Variants in ADGRB1 observed in about 807,000 individuals in gnomAD.
The protein encoded by ADGRB1 is adhesion G protein-coupled receptor B1, also known as brain-specific angiogenesis inhibitor 1.
A neutral mutation model predicts 175.7 loss-of-function variants in ADGRB1; 36 were observed. The observed-to-expected ratio is 0.20, with a 90% CI of 0.16 to 0.27. The LOEUF (loss-of-function observed/expected upper bound fraction) is 0.27. Among genes scored for constraint, ADGRB1 ranks in the 10% least tolerant of loss-of-function variants. The probability of loss-of-function intolerance (pLI) is 1.00; values close to 1 mark genes in which losing one functional copy is unlikely to be tolerated. For missense variants in ADGRB1, 1,731 were observed against 2,255.3 expected (o/e 0.77, Z 4.71); for synonymous variants, 1,054 against 979.4 (o/e 1.08, Z -1.42).
At chr8:142,505,821 G>A (rs1374007455) in intron 17 of ADGRB1, among the ~76,000 whole-genome samples, 1 of 152,200 alleles carries the variant, frequency 6.6e-6, no homozygotes, top group African/African-American at 2.4e-5. Context: ...AGGGGCACGG[G>A]TGGTGGCTGT....
chr8:142,534,949 C>T (rs973042744), intron 25 of ADGRB1, among the ~76,000 whole-genome samples: 1 of 152,216 alleles, frequency 6.6e-6, no homozygotes, highest in Non-Finnish European at 1.5e-5. Context: ...AGCTCATCAC[C>T]ATGGCTGGGA....
At position 142,464,086 on chromosome 8, in the gene ADGRB1, G is replaced by GGC; in HGVS notation, c.-113_-112insGC. On this transcript the variant is annotated 5_prime_UTR_variant, in exon 2 of 31. Transcript: ENST00000517894. ...CCCTCTCCCATCCCACCCTTGCCCC[G>GGC]CCTCCCTGCCCCCACCGGGCCGGCC... 2.5e-5 allele frequency: 5 copies of GGC among 198,014 alleles called. No homozygotes were observed. The highest frequency in any genetic ancestry group is 1.1e-4 in the East Asian group (1 of 8,770). 12.3% of individuals were successfully genotyped at this position (198,014 alleles called of 1,614,324 possible). A position where few individuals can be genotyped will look rare whatever the true frequency, so the allele number is the denominator to read the frequency against.
intron 30 of ADGRB1, 29 bp from the exon 31 acceptor site, chr8:142,544,190 AC>A: frequency 6.5e-7 from 1 of 1,538,072 alleles, no homozygotes; most frequent in Non-Finnish European, 8.8e-7. Flanking sequence ...TCCGGGCCCC[AC>A]CCCTCCTGCA....
chr8:142,482,031 C>T (rs965561165), intron 11 of ADGRB1, among the ~76,000 whole-genome samples: 18 of 145,404 alleles, frequency 1.2e-4, no homozygotes, highest in Middle Eastern at 3.8e-3. Context: ...CACACTGAGC[C>T]CTGATCATAG....
rs1211903725 is a variant in ADGRB1 at position 142,537,563 on chromosome 8, G to C, written c.3666+481G>C. Among the ~76,000 whole-genome samples the C allele has an allele frequency of 6.6e-6, 1 of 151,902 alleles. No homozygotes were observed. On this transcript the variant is annotated intron_variant, in intron 26 of 30. Coordinates refer to ENST00000517894, the MANE Select transcript of ADGRB1 (RefSeq NM_001702.3). This position sits in a 1 kb window ranked among gnomAD's most constrained non-coding sequence, Gnocchi z 4.6. ...GCCTCCCTGGCGCTCCCTGGGTGCT[G>C]CCCAGTCCTCAGCCCCTGCAGGGTG...
intron 2 of ADGRB1, among the ~76,000 whole-genome samples, chr8:142,470,541 CTGTG>C (rs142832548): frequency 6.6e-6 from 1 of 150,964 alleles, no homozygotes. Flanking sequence ...GTGTGTGTCC[CTGTG>C]TGTGTGTGTC....
At chr8:142,535,978 G>A (rs367884100) in intron 25 of ADGRB1, among the ~76,000 whole-genome samples, 139 of 152,276 alleles carry the variant, frequency 9.1e-4, no homozygotes, top group African/African-American at 3.2e-3. Flanking sequence ...TCTCTCGCCC[G>A]CTTTGGGCCT....
intron 13 of ADGRB1, among the ~76,000 whole-genome samples, chr8:142,485,678 C>T (rs112930845): frequency 5.9e-5 from 9 of 152,324 alleles, no homozygotes; most frequent in African/African-American, 1.7e-4. Context: ...GTGCCCAGGA[C>T]GTAACTGGTA....
chr8:142,526,277 G>A (rs369923473), intron 23 of ADGRB1, among the ~76,000 whole-genome samples: 7 of 152,160 alleles, frequency 4.6e-5, no homozygotes, highest in Admixed American at 1.3e-4. Flanking sequence ...TGGGGAGCTC[G>A]CTGGTGGAAG....
At chr8:142,517,639 G>GT (rs764873668) in intron 18 of ADGRB1, among the ~76,000 whole-genome samples, 7 of 152,148 alleles carry the variant, frequency 4.6e-5, no homozygotes, top group Non-Finnish European at 7.4e-5. Context: ...TGTCCGGGCT[G>GT]TGGAGGGACA....
Position 142,542,756 on chromosome 8 carries a change from T to A in ADGRB1, c.4413+109T>A. The A allele has an allele frequency of 9.5e-7, 1 of 1,049,346 alleles. No individual in the cohort carries two copies. Among genetic ancestry groups the A allele is most frequent in the Non-Finnish European group, 1.3e-6 (1 of 752,896 alleles). The allele number at this position is 1,049,346 out of a possible 1,614,324, so 65.0% of individuals were successfully genotyped here. On this transcript the variant is annotated intron_variant, in intron 28 of 30. Coordinates refer to ENST00000517894, the MANE Select transcript of ADGRB1 (RefSeq NM_001702.3). This position sits in a 1 kb window ranked among gnomAD's most constrained non-coding sequence, Gnocchi z 6.3. ...CACGCCGTCAGCGGGGCGGGCTGGCTCTGCCTCCTAGCTACACCCCCCACC... is the reference window on the plus strand; with the variant it reads ...CACGCCGTCAGCGGGGCGGGCTGGCACTGCCTCCTAGCTACACCCCCCACC...
intron 11 of ADGRB1, among the ~76,000 whole-genome samples, chr8:142,483,091 G>A (rs573227262): frequency 3.7e-4 from 55 of 148,488 alleles, no homozygotes; most frequent in Admixed American, 6.7e-4. Context: ...GTCACCCACT[G>A]AACCCTGACC....
At position 142,493,922 on chromosome 8, in the gene ADGRB1, C is replaced by T. The variant is rs1290239578; in HGVS notation, c.2675+3107C>T. Among the ~76,000 whole-genome samples, 1 of 152,194 alleles carries T rather than the reference C, an allele frequency of 6.6e-6. No homozygotes were observed. Among genetic ancestry groups the T allele is most frequent in the African/African-American group, 2.4e-5 (1 of 41,444 alleles). On this transcript the variant is annotated intron_variant, in intron 17 of 30. Transcript: ENST00000517894. The surrounding 1 kb of genome is among the most constrained non-coding windows in gnomAD (Gnocchi z 5.0). The stretch of plus-strand genomic sequence containing the variant: ...ACTGTCTCCGGGGAGCTGAGTTTCC[C>T]AGTTGACCTGAAGTGGAGACCACGG...
chr8:142,464,294 C>A lies in ADGRB1; in HGVS notation c.96C>A (p.Ala32=). The change falls in exon 2 of 31, where the codon GCC becomes GCA. Residue 32 remains alanine, a synonymous_variant. Coordinates refer to ENST00000517894, the MANE Select transcript of ADGRB1 (RefSeq NM_001702.3). ...TGGGACGCCGCGCGCGGGCGGCCGCCGGAGCAGACGCGGGGCCCGGGCCCG... is the reference window on the plus strand; with the variant it reads ...TGGGACGCCGCGCGCGGGCGGCCGCAGGAGCAGACGCGGGGCCCGGGCCCG... ...LLLGRRARAA[A]GADAGPGPEP... is the part of the protein sequence containing the mutation. 7.3e-7 allele frequency: 1 copy of A among 1,377,534 alleles called. No homozygotes were observed. The highest frequency in any genetic ancestry group is 9.3e-7 in the Non-Finnish European group (1 of 1,074,208). The allele number at this position is 1,377,534 out of a possible 1,614,324, so 85.3% of individuals were successfully genotyped here.
At chr8:142,513,403 C>T (rs1843212511) in intron 18 of ADGRB1, among the ~76,000 whole-genome samples, 1 of 152,210 alleles carries the variant, frequency 6.6e-6, no homozygotes, top group African/African-American at 2.4e-5. Flanking sequence ...CCCTTGGGGC[C>T]TTCCTGTCCT....
Position 142,464,104 on chromosome 8 carries a change from G to C in ADGRB1, c.-95G>C. On this transcript the variant is annotated 5_prime_UTR_variant, in exon 2 of 31. Transcript: ENST00000517894. ...TTGCCCCGCCTCCCTGCCCCCACCG[G>C]GCCGGCCCTGCCCGCCGCCGGACCC... The C allele has an allele frequency of 1.0e-6, 1 of 980,990 alleles. No homozygotes were observed. The highest frequency in any genetic ancestry group is 1.3e-6 in the Non-Finnish European group (1 of 787,200). 60.8% of individuals were successfully genotyped at this position (980,990 alleles called of 1,614,324 possible).
At chr8:142,478,060 G>A in intron 6 of ADGRB1, 127 bp from the exon 7 acceptor site, 1 of 1,291,494 alleles carries the variant, frequency 7.7e-7, no homozygotes, top group Non-Finnish European at 1.1e-6. Flanking sequence ...TGGCCCCCAG[G>A]GTGTTCTCAT....
chr8:142,538,920 CAGG>C (rs1456914115), intron 26 of ADGRB1, among the ~76,000 whole-genome samples: 1 of 152,140 alleles, frequency 6.6e-6, no homozygotes, highest in African/African-American at 2.4e-5. Context: ...CCAGAGGAAG[CAGG>C]AGGTCATCAG....
At chr8:142,473,020 T>A (rs1587281412) in intron 2 of ADGRB1, among the ~76,000 whole-genome samples, 1 of 151,728 alleles carries the variant, frequency 6.6e-6, no homozygotes, top group Non-Finnish European at 1.5e-5. Context: ...CCGCCCTTTC[T>A]CCCCCTACCA....
Sources: gnomAD v4.1 joint callset for allele counts (sites outside exome capture counted in the v4.1 genomes callset) on GRCh38, gnomAD v4.1.1 for gene constraint, Gnocchi (gnomAD v3.1) non-coding constraint, MANE v1.5 for transcripts, NCBI Gene and HGNC (gene_info 2026-07-23, HGNC 2026-07-21) for gene names.